The following SLC4A9 variants were observed in gnomAD, a reference collection of about 807,000 sequenced individuals.
The protein encoded by SLC4A9 is solute carrier family 4 member 9.
Under a neutral mutation model 103.2 loss-of-function variants are expected in SLC4A9, and 102 were observed. The ratio of observed to expected loss-of-function variants is 0.99; its 90% CI spans 0.84 to 1.17. The LOEUF (loss-of-function observed/expected upper bound fraction) is 1.17. Ranked by LOEUF, SLC4A9 falls within the 50% of genes most tolerant of loss-of-function variation. The pLI, the probability that SLC4A9 is intolerant of heterozygous loss-of-function variation, is 0.00. For missense variants in SLC4A9, 1,091 were observed against 1,193.7 expected, an observed-to-expected ratio of 0.91 and a Z score of 1.27; for synonymous variants, 453 against 483.6, an observed-to-expected ratio of 0.94 and a Z score of 0.83.
chr5:140,365,835 A>T lies in SLC4A9; in HGVS notation c.1712A>T (p.Asp571Val), dbSNP rs773390858. The change falls in exon 13 of 22, where the codon GAC becomes GTC. Residue 571 changes from aspartate (D) to valine (V), a missense_variant and splice_region_variant. Asp to Val is a radical substitution (Grantham distance 152). Transcript: ENST00000506757. ...PKDRDDIVSM[D>V]LGLINASLLP... ...CACTCCTGACCCTCCTGTGTACAGG[A>T]CTTAGGCCTGATCAATGCATCCTTG... 6.2e-7 allele frequency: 1 copy of T among 1,613,350 alleles called. No individual in the cohort carries two copies. The highest frequency in any genetic ancestry group is 8.5e-7 in the Non-Finnish European group (1 of 1,179,578).
At position 140,363,577 on chromosome 5, in the gene SLC4A9, C is replaced by A. The variant is rs751763216; in HGVS notation, c.1079+22C>A. 26 of 1,552,186 alleles carry A rather than the reference C, an allele frequency of 1.7e-5. No individual in the cohort carries two copies. In the South Asian group the frequency reaches 2.3e-4, roughly 13 times the overall value. ...GCAGGTGAGGCGAGCTGGGAGGAAA[C>A]AAGGGTAGGTGACCTGGGGGAGGGG... On this transcript the variant is annotated intron_variant, in intron 8 of 21. Transcript: ENST00000506757. This position sits in a 1 kb window ranked among gnomAD's most constrained non-coding sequence, Gnocchi z 4.5.
At chr5:140,365,793 T>C in intron 12 of SLC4A9, 41 bp from the exon 13 acceptor site, 1 of 1,587,668 alleles carries the variant, frequency 6.3e-7, no homozygotes. Flanking sequence ...GGACATTTAC[T>C]CCATTGCCTA....
chr5:140,366,314 G>C, intron 14 of SLC4A9, 50 bp downstream of exon 14: 1 of 1,310,204 alleles, frequency 7.6e-7, no homozygotes, highest in Non-Finnish European at 1.1e-6. Flanking sequence ...AGCAGGGCCA[G>C]CAGACCATGG....
At position 140,362,040 on chromosome 5, in the gene SLC4A9, G is replaced by A. The variant is rs1767163408; in HGVS notation, c.585G>A (p.Lys195=). ...AGTGTCAGAACCCCCTGAGACAGAA[G>A]CTACCTCCAGGAGCTGAGGCAGGGA... The part of the protein sequence containing the change: ...REQCQNPLRQ[K]LPPGAEAGTV... The change falls in exon 5 of 22, where the codon AAG becomes AAA. Residue 195 remains lysine (K), a synonymous_variant. Transcript: ENST00000506757. The A allele has an allele frequency of 1.1e-5, 18 of 1,609,054 alleles. No individual in the cohort carries two copies. Among genetic ancestry groups the A allele is most frequent in the Non-Finnish European group, 1.5e-5 (18 of 1,178,678 alleles).
chr5:140,370,991 C>A, intron 17 of SLC4A9, 104 bp from the exon 18 acceptor site: 1 of 972,836 alleles, frequency 1.0e-6, no homozygotes, highest in Non-Finnish European at 1.6e-6. Context: ...CCTGGGCAGA[C>A]CTGGATGCTA....
intron 1 of SLC4A9, 54 bp from the exon 2 acceptor site, chr5:140,360,758 C>T (rs1338145836): frequency 1.9e-6 from 3 of 1,610,644 alleles, no homozygotes; most frequent in East Asian, 2.2e-5. Flanking sequence ...CATCTCTGCT[C>T]CTGGACATGG....
rs559296142 is a variant in SLC4A9 at position 140,366,320 on chromosome 5, C to A, written c.2013+56C>A. 6.5e-6 allele frequency: 8 copies of A among 1,232,626 alleles called. No individual in the cohort carries two copies. The Admixed American group carries it at 1.4e-4, about 22-fold the overall frequency. The allele number at this position is 1,232,626 out of a possible 1,614,324, so 76.4% of individuals were successfully genotyped here. ...AGAGGGGAAAGCAGGGCCAGCAGAC[C>A]ATGGGGAAGGAAAATGAATAAATCC... On this transcript the variant is annotated intron_variant, in intron 14 of 21. Coordinates refer to ENST00000506757, the MANE Select transcript of SLC4A9 (RefSeq NM_031467.3).
chr5:140,371,739 C>T (rs1400995561), intron 19 of SLC4A9, 115 bp downstream of exon 19: 7 of 1,241,644 alleles, frequency 5.6e-6, no homozygotes, highest in Non-Finnish European at 7.9e-6. Context: ...CGCTGTGGCT[C>T]TCCCTGGTTG....
At chr5:140,366,326 G>A in intron 14 of SLC4A9, 62 bp downstream of exon 14, 1 of 1,125,402 alleles carries the variant, frequency 8.9e-7, no homozygotes. Context: ...AGACCATGGG[G>A]AAGGAAAATG....
In SLC4A9 at chr5:140,360,360, GAC is replaced by G; in HGVS notation, c.128_129del (p.Thr43ArgfsTer19). The G allele has an allele frequency of 1.2e-6, 2 of 1,610,486 alleles. No homozygotes were observed. Among genetic ancestry groups the G allele is most frequent in the African/African-American group, 1.3e-5 (1 of 74,930 alleles). ...GTGPSPDGPS[D>X]TESKELGVPK... ...CGGCCCCAGCCCTGATGGCCCCTCA[GAC>G]ACAGAGAGCAAGGAACTGGGAGTAC... On this transcript the variant is annotated frameshift_variant, in exon 1 of 22. Transcript: ENST00000506757. LOFTEE classifies it high-confidence loss of function.
chr5:140,367,782 G>A lies in SLC4A9; in HGVS notation c.2238G>A (p.Ala746=), dbSNP rs201001247. The change falls in exon 16 of 22, where the codon GCG becomes GCA. Residue 746 remains alanine (A), a synonymous_variant. Coordinates refer to ENST00000506757, the MANE Select transcript of SLC4A9 (RefSeq NM_031467.3). ...CTGTGCTGATGCTACTCACATCAGC[G>A]CTTGGACTGCCTTGGTATGTCTCAG... ...CVAVLMLLTS[A]LGLPWYVSAT... 746 of 1,613,968 alleles carry A rather than the reference G, an allele frequency of 4.6e-4. No individual in the cohort carries two copies. Among genetic ancestry groups the A allele is most frequent in the Non-Finnish European group, 5.5e-4 (653 of 1,179,882 alleles).
chr5:140,371,049 G>A, intron 17 of SLC4A9, 46 bp from the exon 18 acceptor site: 1 of 1,563,512 alleles, frequency 6.4e-7, no homozygotes, highest in African/African-American at 1.3e-5. Flanking sequence ...GCATCTGGGA[G>A]GTTGGCAGAG....
chr5:140,372,291 C>T lies in SLC4A9; in HGVS notation c.2720C>T (p.Pro907Leu). Residue 907 changes from proline (P) to leucine (L), a missense_variant, in exon 20 of 22, where the codon CCA becomes CTA. By Grantham distance (98) the Pro-to-Leu change is moderately conservative. Coordinates refer to ENST00000506757, the MANE Select transcript of SLC4A9 (RefSeq NM_031467.3). ...VRKALERVFS[P>L]QELLWLDELM... The stretch of plus-strand genomic sequence containing the variant: ...AAGGCCCTGGAGAGGGTCTTCTCAC[C>T]ACAGGAACTCCTCTGGCTGGATGAG... 3 of 1,603,142 alleles carry T rather than the reference C, an allele frequency of 1.9e-6. No homozygotes were observed. Among genetic ancestry groups the T allele is most frequent in the Non-Finnish European group, 2.5e-6 (3 of 1,176,984 alleles).
At chr5:140,361,705 C>A in intron 3 of SLC4A9, 103 bp from the exon 4 acceptor site, 2 of 1,285,754 alleles carry the variant, frequency 1.6e-6, no homozygotes, top group Non-Finnish European at 2.3e-6. Context: ...GAAGGGTATA[C>A]TCTAATTCTT....
intron 18 of SLC4A9, 79 bp downstream of exon 18, chr5:140,371,242 A>G: frequency 1.3e-6 from 2 of 1,487,084 alleles, no homozygotes; most frequent in Non-Finnish European, 1.8e-6. Context: ...TTACCTAGCA[A>G]CCCTACTCCT....
intron 14 of SLC4A9, 57 bp from the exon 15 acceptor site, chr5:140,367,363 A>T: frequency 6.4e-7 from 1 of 1,567,604 alleles, no homozygotes; most frequent in Non-Finnish European, 8.6e-7. Flanking sequence ...TGAGATGTGC[A>T]GGTGAGATGC....
Position 140,371,021 on chromosome 5 carries a change from G to A in SLC4A9, c.2428-74G>A. 2.2e-6 allele frequency: 3 copies of A among 1,368,570 alleles called. No individual in the cohort carries two copies. The African/African-American group carries it at 4.3e-5, about 20-fold the overall frequency. 84.8% of individuals were successfully genotyped at this position (1,368,570 alleles called of 1,614,324 possible). ...ATGCTAGATGCTAGAGGGATCTAGG[G>A]CATCTGGGCATCCTGGGGCATCTGG... On this transcript the variant is annotated intron_variant, in intron 17 of 21. Transcript: ENST00000506757.
intron 20 of SLC4A9, 23 bp from the exon 21 acceptor site, chr5:140,372,722 A>T: frequency 6.5e-7 from 1 of 1,549,180 alleles, no homozygotes; most frequent in Non-Finnish European, 8.7e-7. Flanking sequence ...TTCTCAATCC[A>T]TCTTGGGATC....
rs1767426042 is a variant in SLC4A9, at chr5:140,363,553, C to T, written c.1077C>T (p.Gly359=). The stretch of plus-strand genomic sequence containing the variant: ...ACAGCCCGGAGTTGCAGCGGACCGG[C>T]AGGTGAGGCGAGCTGGGAGGAAACA... ...HAHSPELQRT[G]RLFGGLIQDV... The change falls in exon 8 of 22, where the codon GGC becomes GGT. Residue 359 remains glycine, a splice_region_variant and synonymous_variant. Coordinates refer to ENST00000506757, the MANE Select transcript of SLC4A9 (RefSeq NM_031467.3). The surrounding 1 kb of genome is among the most constrained non-coding windows in gnomAD (Gnocchi z 4.5). 1.3e-6 allele frequency: 2 copies of T among 1,552,222 alleles called. No individual in the cohort carries two copies. Among genetic ancestry groups the T allele is most frequent in the South Asian group, 2.4e-5 (2 of 84,202 alleles).
Sources: allele counts gnomAD v4.1 joint callset, GRCh38; gene constraint gnomAD v4.1.1; non-coding constraint Gnocchi (gnomAD v3.1); transcripts MANE v1.5; gene names NCBI Gene and HGNC (gene_info 2026-07-23, HGNC 2026-07-21).